Variants in DPP10 observed in about 807,000 individuals in gnomAD.
DPP10 encodes inactive dipeptidyl peptidase 10.
A neutral mutation model predicts 120.9 loss-of-function variants in DPP10; 33 were observed. The ratio of observed to expected loss-of-function variants is 0.27; its 90% CI spans 0.21 to 0.37. The LOEUF is 0.37. Ranked by LOEUF, DPP10 falls within the 10% of genes least tolerant of loss-of-function variation. The probability of loss-of-function intolerance (pLI) is 1.00; values close to 1 mark genes in which losing one functional copy is unlikely to be tolerated. For synonymous variants in DPP10, 337 were observed against 326.1 expected, an observed-to-expected ratio of 1.03 and a Z score of -0.36; for missense variants, 816 against 942.8, an observed-to-expected ratio of 0.87 and a Z score of 1.76.
chr2:114,750,623 G>A (rs528646485), intron 1 of DPP10, among the ~76,000 whole-genome samples: 54 of 152,256 alleles, frequency 3.5e-4, no homozygotes, highest in African/African-American at 1.2e-3. Context: ...GTGAGCCACC[G>A]CTCCCAGCCA....
intron 1 of DPP10, among the ~76,000 whole-genome samples, chr2:114,563,695 T>G (rs1045775088): frequency 1.3e-5 from 2 of 152,040 alleles, no homozygotes; most frequent in African/African-American, 4.8e-5. Context: ...GATGAAGTGG[T>G]TTTTCTTAGG....
At chr2:115,233,901 CCTT>C (rs1559286346) in intron 1 of DPP10, 3 of 515,350 alleles carry the variant, frequency 5.8e-6, no homozygotes, top group Non-Finnish European at 1.2e-5. Flanking sequence ...CTCCCTTAGC[CCTT>C]CTTCTGCCCA....
chr2:114,570,050 A>G (rs1689503886), intron 1 of DPP10, among the ~76,000 whole-genome samples: 1 of 152,196 alleles, frequency 6.6e-6, no homozygotes. Context: ...AAGAGGGTGA[A>G]TATGCCATGA....
chr2:115,003,944 T>C (rs1701631006), intron 1 of DPP10, among the ~76,000 whole-genome samples: 1 of 152,224 alleles, frequency 6.6e-6, no homozygotes, highest in Non-Finnish European at 1.5e-5. Flanking sequence ...TAGTTTATTA[T>C]GTAAGCATAT....
intron 1 of DPP10, among the ~76,000 whole-genome samples, chr2:114,816,452 C>CCCCT (rs1271235845): frequency 6.6e-6 from 1 of 152,174 alleles, no homozygotes; most frequent in Non-Finnish European, 1.5e-5. Flanking sequence ...CGTTTGCTGA[C>CCCCT]CCCTCCCTAG....
At chr2:115,445,264 A>T (rs2072470784) in intron 3 of DPP10, among the ~76,000 whole-genome samples, 1 of 152,188 alleles carries the variant, frequency 6.6e-6, no homozygotes, top group Non-Finnish European at 1.5e-5. Context: ...AGACTAATAT[A>T]AGAAATTTGT....
intron 1 of DPP10, among the ~76,000 whole-genome samples, chr2:114,907,771 A>G (rs1482657332): frequency 6.6e-6 from 1 of 152,058 alleles, no homozygotes; most frequent in Non-Finnish European, 1.5e-5. Context: ...TTTTGCTTTA[A>G]TGGCTTCGGT....
At chr2:115,056,207 A>G (rs1488760039) in intron 1 of DPP10, among the ~76,000 whole-genome samples, 1 of 152,176 alleles carries the variant, frequency 6.6e-6, no homozygotes, top group Non-Finnish European at 1.5e-5. Flanking sequence ...GGCAGGGCAT[A>G]TAGTCTATAA....
In DPP10 at chr2:115,473,181, G is replaced by A. The variant is rs2074845274; in HGVS notation, c.272-26329G>A. ...AGAATTAGCATTGTAATATTATTTT[G>A]GTAAAATTATGAATGGGATCATGCC... On this transcript the variant is annotated intron_variant, in intron 3 of 25. Transcript: ENST00000410059. Among the ~76,000 whole-genome samples, 4 of 151,960 alleles carry A rather than the reference G, an allele frequency of 2.6e-5. No homozygotes were observed. In the South Asian group the frequency reaches 8.3e-4, roughly 32 times the overall value.
chr2:115,330,724 T>C (rs2062675429), intron 2 of DPP10, among the ~76,000 whole-genome samples: 1 of 152,192 alleles, frequency 6.6e-6, no homozygotes, highest in African/African-American at 2.4e-5. Context: ...TTCTCAGGTT[T>C]GTCAAAGATC....
At chr2:115,596,659 T>G (rs1409583915) in intron 5 of DPP10, among the ~76,000 whole-genome samples, 1 of 152,142 alleles carries the variant, frequency 6.6e-6, no homozygotes, top group Non-Finnish European at 1.5e-5. Flanking sequence ...AGTAGAAAAT[T>G]TATATCTTAG....
intron 1 of DPP10, among the ~76,000 whole-genome samples, chr2:114,718,027 TTC>T (rs1256808135): frequency 6.6e-6 from 1 of 151,984 alleles, no homozygotes; most frequent in East Asian, 1.9e-4. Flanking sequence ...AATTATCTCT[TTC>T]TATGTTTCTG....
chr2:115,222,785 C>T (rs1187740149), intron 1 of DPP10, among the ~76,000 whole-genome samples: 2 of 151,890 alleles, frequency 1.3e-5, no homozygotes, highest in Admixed American at 1.3e-4. Context: ...CCAAATTTGT[C>T]CTAAAGAGTC....
At chr2:115,711,116 T>C (rs2092299608) in intron 7 of DPP10, among the ~76,000 whole-genome samples, 1 of 152,160 alleles carries the variant, frequency 6.6e-6, no homozygotes, top group South Asian at 2.1e-4. Flanking sequence ...CACAATAGCA[T>C]GCAGATAAAG....
intron 1 of DPP10, among the ~76,000 whole-genome samples, chr2:114,487,535 TATTA>T (rs1681618228): frequency 6.6e-6 from 1 of 152,206 alleles, no homozygotes; most frequent in African/African-American, 2.4e-5. Context: ...ATTTTCTGAT[TATTA>T]GACTATTAAG....
At chr2:115,627,910 T>A (rs2085494477) in intron 5 of DPP10, among the ~76,000 whole-genome samples, 1 of 152,218 alleles carries the variant, frequency 6.6e-6, no homozygotes, top group African/African-American at 2.4e-5. Context: ...CTTTATCCAG[T>A]CTATTATTGA....
chr2:115,393,560 G>A lies in DPP10; in HGVS notation c.271+49648G>A, dbSNP rs931024959. ...AAGTTCCATATCAGGATAAATTGAG[G>A]TATGAGGAGAAAGGATTGTATTAAA... On this transcript the variant is annotated intron_variant, in intron 3 of 25. Transcript: ENST00000410059. Among the ~76,000 whole-genome samples the A allele has an allele frequency of 2.4e-4, 36 of 152,010 alleles. 1 individual carries two copies. Among genetic ancestry groups the A allele is most frequent in the Admixed American group, 2.0e-3 (30 of 15,252 alleles).
intron 1 of DPP10, among the ~76,000 whole-genome samples, chr2:114,958,517 A>C (rs1164492764): frequency 6.6e-6 from 1 of 152,222 alleles, no homozygotes; most frequent in Non-Finnish European, 1.5e-5. Flanking sequence ...TTGCTTAAAG[A>C]TTAGATTTTA....
At chr2:114,607,641 A>G (rs1692926848) in intron 1 of DPP10, among the ~76,000 whole-genome samples, 1 of 152,194 alleles carries the variant, frequency 6.6e-6, no homozygotes, top group African/African-American at 2.4e-5. Context: ...AGCTCTGGGA[A>G]TATGCAGAAG....
Sources: gnomAD v4.1 joint callset for allele counts (sites outside exome capture counted in the v4.1 genomes callset) on GRCh38, gnomAD v4.1.1 for gene constraint, MANE v1.5 for transcripts, NCBI Gene and HGNC (gene_info 2026-07-23, HGNC 2026-07-21) for gene names.